MIB1: variants seen among roughly 807,000 people sequenced by gnomAD.
MIB1 encodes MIB E3 ubiquitin protein ligase 1, also known as E3 ubiquitin-protein ligase MIB1.
Under a neutral mutation model 124.5 loss-of-function variants are expected in MIB1, and 278 were observed. That is an observed-to-expected ratio of 2.23 (90% CI 2.02 to 2.47). The LOEUF (loss-of-function observed/expected upper bound fraction) is 2.47. Among genes scored for constraint, MIB1 ranks in the 30% most tolerant of loss-of-function variants. The pLI is 0.00. For missense variants in MIB1, 957 were observed against 1,254.4 expected (o/e 0.76, Z 3.58); for synonymous variants, 446 against 429.4 (o/e 1.04, Z -0.48).
chr18:21,734,438 C>T (rs2040786018), intron 1 of MIB1, among the ~76,000 whole-genome samples: 1 of 151,894 alleles, frequency 6.6e-6, no homozygotes, highest in Admixed American at 6.6e-5. Context: ...ATTCATGTTG[C>T]TCTAATAGGG....
At chr18:21,707,895 C>A (rs1233354442) in intron 1 of MIB1, among the ~76,000 whole-genome samples, 1 of 152,200 alleles carries the variant, frequency 6.6e-6, no homozygotes, top group Admixed American at 6.5e-5. Context: ...TCTCACTGTT[C>A]TAGAGGCTGG....
Position 21,741,766 on chromosome 18 carries a change from C to T in MIB1, c.183C>T (p.Arg61=), listed in dbSNP as rs938733170. ...VWDNGTAANY[R]CSGAYDLRIL... ...ACAACGGCACAGCTGCCAACTACCG[C>T]TGCTCCGGGGCTTACGACCTCCGCA... Residue 61 remains arginine, a synonymous_variant, in exon 1 of 21, where the codon CGC becomes CGT. Coordinates refer to ENST00000261537, the MANE Select transcript of MIB1 (RefSeq NM_020774.4). This position sits in a 1 kb window ranked among gnomAD's most constrained non-coding sequence, Gnocchi z 5.4. 6.2e-7 allele frequency: 1 copy of T among 1,609,862 alleles called. No homozygotes were observed.
At chr18:21,781,878 A>T (rs2041372830) in intron 6 of MIB1, among the ~76,000 whole-genome samples, 1 of 150,900 alleles carries the variant, frequency 6.6e-6, no homozygotes, top group Admixed American at 6.6e-5. Flanking sequence ...TTTGTTTCTG[A>T]TTTTATTTGG....
At chr18:21,844,676 G>A (rs1459427036) in intron 15 of MIB1, among the ~76,000 whole-genome samples, 3 of 152,166 alleles carry the variant, frequency 2.0e-5, no homozygotes, top group East Asian at 3.8e-4. Context: ...TGATCCACCC[G>A]CCTCGGTCTC....
intron 1 of MIB1, among the ~76,000 whole-genome samples, chr18:21,728,218 C>A (rs917825957): frequency 6.6e-6 from 1 of 152,104 alleles, no homozygotes; most frequent in Non-Finnish European, 1.5e-5. Flanking sequence ...CTAGGCTGAG[C>A]GCAGTGGCTC....
chr18:21,756,057 C>G (rs2041028088), intron 1 of MIB1, among the ~76,000 whole-genome samples: 2 of 152,150 alleles, frequency 1.3e-5, no homozygotes, highest in Non-Finnish European at 2.9e-5. Flanking sequence ...CCCTTACCCC[C>G]CAGTTTCTTT....
intron 6 of MIB1, among the ~76,000 whole-genome samples, chr18:21,789,100 G>A (rs950181242): frequency 6.6e-6 from 1 of 152,158 alleles, no homozygotes; most frequent in African/African-American, 2.4e-5. Flanking sequence ...TTCTTTCACA[G>A]TATCAGAGGC....
chr18:21,724,618 T>C (rs1281977180), intron 1 of MIB1, among the ~76,000 whole-genome samples: 1 of 148,186 alleles, frequency 6.7e-6, no homozygotes, highest in East Asian at 2.0e-4. Context: ...GGCACAAGAA[T>C]TGCTTGAACT....
intron 6 of MIB1, among the ~76,000 whole-genome samples, chr18:21,780,770 T>G (rs1294493987): frequency 6.6e-6 from 1 of 152,114 alleles, no homozygotes; most frequent in East Asian, 1.9e-4. Flanking sequence ...ATCCTTTCAA[T>G]CTATTTATGA....
At chr18:21,784,931 G>GGT (rs2146434293) in intron 6 of MIB1, among the ~76,000 whole-genome samples, 1 of 152,298 alleles carries the variant, frequency 6.6e-6, no homozygotes, top group Non-Finnish European at 1.5e-5. Context: ...TCCCCGTGAT[G>GGT]GTGTGCTTCA....
Position 21,791,449 on chromosome 18 carries a change from A to AGGCACCTCGCAGT in MIB1, c.985_997dup (p.Phe333TrpfsTer9). On this transcript the variant is annotated frameshift_variant, in exon 7 of 21. Transcript: ENST00000261537. LOFTEE classifies it high-confidence loss of function. ...GAGATGCTGCTCAGGGTGCAGAAGG[A>AGGCACCTCGCAGT]GGCACCTCGCAGTTTCAAGTGGGTG... 2 of 1,614,070 alleles carry AGGCACCTCGCAGT rather than the reference A, an allele frequency of 1.2e-6. No homozygotes were observed. Among genetic ancestry groups the AGGCACCTCGCAGT allele is most frequent in the Non-Finnish European group, 1.7e-6 (2 of 1,179,954 alleles).
intron 1 of MIB1, among the ~76,000 whole-genome samples, chr18:21,724,719 AAAAAAAAAATATATATATAT>A (rs1404871473): frequency 1.7e-5 from 1 of 58,270 alleles, no homozygotes; most frequent in Non-Finnish European, 3.3e-5. Context: ...ATCCAAAAAA[AAAAAAAAAATATATATATAT>A]ATATATATAT....
At chr18:21,724,904 C>T (rs1209937042) in intron 1 of MIB1, among the ~76,000 whole-genome samples, 5 of 146,246 alleles carry the variant, frequency 3.4e-5, no homozygotes, top group African/African-American at 5.0e-5. Context: ...CATCCTGGCT[C>T]ACATGGTGAA....
At chr18:21,838,988 A>C (rs1433577839) in intron 13 of MIB1, among the ~76,000 whole-genome samples, 1 of 152,162 alleles carries the variant, frequency 6.6e-6, no homozygotes, top group African/African-American at 2.4e-5. Flanking sequence ...CATTCATCTC[A>C]GAATAGGATG....
At chr18:21,836,073 G>A (rs2042028130) in intron 12 of MIB1, among the ~76,000 whole-genome samples, 1 of 151,142 alleles carries the variant, frequency 6.6e-6, no homozygotes, top group African/African-American at 2.4e-5. Flanking sequence ...GTTACATGGT[G>A]AAACCCCGCC....
chr18:21,844,142 T>A lies in MIB1; in HGVS notation c.2100T>A (p.Asp700Glu). The change falls in exon 15 of 21, where the codon GAT (aspartate) becomes GAA (glutamate). Residue 700 changes from aspartate to glutamate, a missense_variant. Coordinates refer to ENST00000261537, the MANE Select transcript of MIB1 (RefSeq NM_020774.4). ...AKLDIQDKDG[D>E]TPLHEALRHH... ...TTGATATTCAGGATAAGGATGGGGA[T>A]ACTCCTTTGCATGAAGCTCTAAGGC... 1 of 1,614,048 alleles carries A rather than the reference T, an allele frequency of 6.2e-7. No homozygotes were observed. Among genetic ancestry groups the A allele is most frequent in the Non-Finnish European group, 8.5e-7 (1 of 1,179,972 alleles).
At chr18:21,834,918 G>A (rs1000176576) in intron 12 of MIB1, among the ~76,000 whole-genome samples, 40 of 152,182 alleles carry the variant, frequency 2.6e-4, no homozygotes, top group African/African-American at 9.4e-4. Flanking sequence ...TATGTAAAAT[G>A]TTAGTAACAA....
At chr18:21,821,745 C>T (rs890398183) in intron 12 of MIB1, among the ~76,000 whole-genome samples, 2 of 151,880 alleles carry the variant, frequency 1.3e-5, no homozygotes, top group Non-Finnish European at 1.5e-5. Context: ...ACTACAGGCT[C>T]CCACCACCAT....
chr18:21,801,136 G>C (rs2146456253), intron 9 of MIB1, among the ~76,000 whole-genome samples: 1 of 152,120 alleles, frequency 6.6e-6, no homozygotes. Context: ...ATTCTTAGCT[G>C]GCTGATAGCC....
Sources: allele counts gnomAD v4.1 joint callset (sites outside exome capture counted in the v4.1 genomes callset), GRCh38; gene constraint gnomAD v4.1.1; non-coding constraint Gnocchi (gnomAD v3.1); transcripts MANE v1.5; gene names NCBI Gene and HGNC (gene_info 2026-07-23, HGNC 2026-07-21).